The following MYO18A variants were observed in gnomAD, a reference collection of about 807,000 sequenced individuals.
MYO18A encodes myosin XVIIIA.
In MYO18A, 78 loss-of-function variants were observed where a neutral mutation model predicts 235.8. That is an observed-to-expected ratio of 0.33 (90% CI 0.28 to 0.40). The LOEUF (loss-of-function observed/expected upper bound fraction) is 0.40, where lower values mean the gene tolerates loss of function less well. Among genes scored for constraint, MYO18A ranks in the 10% least tolerant of loss-of-function variants. The probability of loss-of-function intolerance (pLI) is 1.00; values close to 1 mark genes in which losing one functional copy is unlikely to be tolerated. For synonymous variants in MYO18A, 977 were observed against 1,077.8 expected (o/e 0.91, Z 1.83); for missense variants, 2,215 against 2,699.3 (o/e 0.82, Z 3.98).
In MYO18A at chr17:29,093,995, C is replaced by T; in HGVS notation, c.4806G>A (p.Gln1602=). ...GATACCTTACCTTCTTCTGACACGA[C>T]TGCCGGGCCTCCTCCACCTCCTCAT... The part of the protein sequence containing the change: ...SRDEEVEEAR[Q]SCQKKLKQME... Residue 1602 remains glutamine, a synonymous_variant, in exon 31 of 42, where the codon CAG becomes CAA. Transcript: ENST00000527372. The T allele has an allele frequency of 5.6e-6, 9 of 1,609,550 alleles. No homozygotes were observed. Among genetic ancestry groups the T allele is most frequent in the Non-Finnish European group, 7.6e-6 (9 of 1,178,102 alleles).
chr17:29,178,087 G>A lies in MYO18A; in HGVS notation c.-82+2226C>T, dbSNP rs185230530. Among the ~76,000 whole-genome samples, 586 of 152,230 alleles carry A rather than the reference G, an allele frequency of 3.8e-3. 2 individuals carry two copies. Among genetic ancestry groups the A allele is most frequent in the Non-Finnish European group, 5.7e-3 (389 of 68,016 alleles). ...CCCAGAGTTTTCAGGCCCAGTTTCT[G>A]AAGACACATGCAGTCCTCAATGAAT... On this transcript the variant is annotated intron_variant, in intron 1 of 41. Coordinates refer to ENST00000527372, the MANE Select transcript of MYO18A (RefSeq NM_078471.4).
In MYO18A at chr17:29,120,496, G is replaced by T; in HGVS notation, c.1728+120C>A. The T allele has an allele frequency of 1.5e-6, 2 of 1,338,582 alleles. No individual in the cohort carries two copies. Among genetic ancestry groups the T allele is most frequent in the Non-Finnish European group, 1.0e-6 (1 of 986,854 alleles). 82.9% of individuals were successfully genotyped at this position (1,338,582 alleles called of 1,614,324 possible). A position where few individuals can be genotyped will look rare whatever the true frequency, so the allele number is the denominator to read the frequency against. On this transcript the variant is annotated intron_variant, in intron 7 of 41. Transcript: ENST00000527372. The surrounding 1 kb of genome is among the most constrained non-coding windows in gnomAD (Gnocchi z 4.2). ...GTGCAGGCCAACCCTGCCCATGCCTGGGTCAATTTTGTTAGGGTAGAATCC... is the reference window on the plus strand; with the variant it reads ...GTGCAGGCCAACCCTGCCCATGCCTTGGTCAATTTTGTTAGGGTAGAATCC...
chr17:29,072,289 G>C lies in MYO18A; in HGVS notation c.*2481C>G, dbSNP rs777948308. 2.0e-5 allele frequency: 3 copies of C among 150,286 alleles called. No homozygotes were observed. Among genetic ancestry groups the C allele is most frequent in the Non-Finnish European group, 4.4e-5 (3 of 67,846 alleles). 9.3% of individuals were successfully genotyped at this position (150,286 alleles called of 1,614,324 possible). A position where few individuals can be genotyped will look rare whatever the true frequency, so the allele number is the denominator to read the frequency against. On this transcript the variant is annotated 3_prime_UTR_variant, in exon 42 of 42. Coordinates refer to ENST00000527372, the MANE Select transcript of MYO18A (RefSeq NM_078471.4). ...GCCTATAATCCTAGCACTTTGGGAG[G>C]CGAGGCAGGCAGATCACTTGAGGTC...
At chr17:29,119,723 C>A (rs1470165821) in intron 7 of MYO18A, among the ~76,000 whole-genome samples, 1 of 151,988 alleles carries the variant, frequency 6.6e-6, no homozygotes, top group Non-Finnish European at 1.5e-5. Context: ...ACCACCATAC[C>A]CGGCTGATTT....
At chr17:29,091,106 T>C in intron 34 of MYO18A, 180 bp from the exon 35 acceptor site, 1 of 590,824 alleles carries the variant, frequency 1.7e-6, no homozygotes, top group Non-Finnish European at 3.0e-6. Context: ...ACCAGGGAGA[T>C]GAGGGAAAGG....
chr17:29,091,404 G>C (rs953530255), intron 34 of MYO18A: 1 of 335,146 alleles, frequency 3.0e-6, no homozygotes, highest in Non-Finnish European at 5.9e-6. Context: ...CCTTGGGGGA[G>C]GGGAAGAGAG....
chr17:29,083,321 C>G (rs1449201633), intron 40 of MYO18A, among the ~76,000 whole-genome samples: 4 of 152,082 alleles, frequency 2.6e-5, no homozygotes, highest in African/African-American at 9.7e-5. Flanking sequence ...TCATGGCCAC[C>G]CCCTCATGAA....
intron 39 of MYO18A, 126 bp from the exon 40 acceptor site, chr17:29,085,774 T>C: frequency 1.1e-6 from 1 of 923,546 alleles, no homozygotes; most frequent in Non-Finnish European, 1.7e-6. Context: ...TCTGGCTGGT[T>C]GAGACCAGGT....
chr17:29,089,623 C>T (rs983741688), intron 37 of MYO18A, among the ~76,000 whole-genome samples: 6 of 152,054 alleles, frequency 3.9e-5, no homozygotes, highest in African/African-American at 1.2e-4. Context: ...TGGCACCATC[C>T]GCTGCATATT....
chr17:29,128,103 C>A, intron 2 of MYO18A: 1 of 1,058,614 alleles, frequency 9.4e-7, no homozygotes, highest in Non-Finnish European at 1.1e-6. Flanking sequence ...TGCTCCTTGC[C>A]CCTGCCCCGA....
intron 2 of MYO18A, among the ~76,000 whole-genome samples, chr17:29,164,171 T>G (rs2068232868): frequency 6.6e-6 from 1 of 152,218 alleles, no homozygotes; most frequent in African/African-American, 2.4e-5. Flanking sequence ...ATTACAGGCG[T>G]GAGCCACCAC....
At chr17:29,179,310 A>C (rs1387152457) in intron 1 of MYO18A, among the ~76,000 whole-genome samples, 2 of 143,838 alleles carry the variant, frequency 1.4e-5, no homozygotes, top group Admixed American at 7.2e-5. Context: ...CTTTCCAACT[A>C]ATCAGCAAGA....
intron 25 of MYO18A, 54 bp from the exon 26 acceptor site, chr17:29,097,953 C>T: frequency 6.3e-7 from 1 of 1,579,214 alleles, no homozygotes; most frequent in Non-Finnish European, 8.6e-7. Flanking sequence ...TACCCACTCC[C>T]CGAACCACAC....
rs1045942836 is a variant in MYO18A at position 29,106,434 on chromosome 17, C to T, written c.3441+646G>A. 1.3e-5 allele frequency among the ~76,000 whole-genome samples: 2 copies of T among 152,184 alleles called. No homozygotes were observed. Among genetic ancestry groups the T allele is most frequent in the Non-Finnish European group, 1.5e-5 (1 of 68,016 alleles). On this transcript the variant is annotated intron_variant, in intron 20 of 41. Transcript: ENST00000527372. This position sits in a 1 kb window ranked among gnomAD's most constrained non-coding sequence, Gnocchi z 4.6. ...TCTGCCCCATTCTGCAGCATCCTCT[C>T]CATTTAGGGAAGCCATCCTAAGGTC...
At chr17:29,080,021 C>CGGAGCTGGAGCT (rs989675957) in intron 41 of MYO18A, 20 of 986,096 alleles carry the variant, frequency 2.0e-5, no homozygotes, top group South Asian at 9.4e-5. Flanking sequence ...GCTTCGGAGC[C>CGGAGCTGGAGCT]GGAGCTGGAG....
At chr17:29,086,753 A>C (rs1416925302) in intron 38 of MYO18A, 176 bp from the exon 39 acceptor site, 2 of 1,129,722 alleles carry the variant, frequency 1.8e-6, no homozygotes, top group Non-Finnish European at 1.2e-6. Flanking sequence ...GCCTCATCTG[A>C]GGGAGTCTCC....
At chr17:29,107,279 G>C (rs1468989158) in intron 19 of MYO18A, 90 bp from the exon 20 acceptor site, 11 of 1,245,692 alleles carry the variant, frequency 8.8e-6, no homozygotes, top group Non-Finnish European at 1.3e-5. Context: ...TCAGTGGAGA[G>C]TCACCAAAAG....
intron 15 of MYO18A, among the ~76,000 whole-genome samples, chr17:29,113,533 C>T (rs1052399108): frequency 6.6e-6 from 1 of 152,202 alleles, no homozygotes; most frequent in African/African-American, 2.4e-5. Context: ...AGCACTGTTT[C>T]CCCTGGGAGC....
intron 2 of MYO18A, among the ~76,000 whole-genome samples, chr17:29,132,966 G>A (rs1479674979): frequency 1.3e-5 from 2 of 152,222 alleles, no homozygotes; most frequent in Non-Finnish European, 2.9e-5. Flanking sequence ...GGGCACACAG[G>A]TTAGTGGGAG....
Sources: gnomAD v4.1 joint callset for allele counts (sites outside exome capture counted in the v4.1 genomes callset) on GRCh38, gnomAD v4.1.1 for gene constraint, Gnocchi (gnomAD v3.1) non-coding constraint, MANE v1.5 for transcripts, NCBI Gene and HGNC (gene_info 2026-07-23, HGNC 2026-07-21) for gene names.